CD9: variants seen among roughly 807,000 people sequenced by gnomAD.
CD9 encodes CD9 molecule, also known as CD9 antigen.
A neutral mutation model predicts 31.4 loss-of-function variants in CD9; 10 were observed. The observed-to-expected ratio is 0.32, with a 90% confidence interval of 0.20 to 0.54. The LOEUF (loss-of-function observed/expected upper bound fraction) is 0.54, where lower values mean the gene tolerates loss of function less well. Ranked by LOEUF, CD9 falls within the 20% of genes least tolerant of loss-of-function variation. The probability of loss-of-function intolerance (pLI) is 0.94; values close to 1 mark genes in which losing one functional copy is unlikely to be tolerated. For missense variants in CD9, 259 were observed against 300.1 expected, an observed-to-expected ratio of 0.86 and a Z score of 1.01; for synonymous variants, 113 against 114.1, an observed-to-expected ratio of 0.99 and a Z score of 0.06.
At chr12:6,231,291 C>A (rs1946444248) in intron 2 of CD9, among the ~76,000 whole-genome samples, 1 of 152,212 alleles carries the variant, frequency 6.6e-6, no homozygotes, top group African/African-American at 2.4e-5. Context: ...TGGATTATAT[C>A]ACTTAATCCT....
At chr12:6,219,790 G>C (rs1160664389) in intron 1 of CD9, among the ~76,000 whole-genome samples, 1 of 152,208 alleles carries the variant, frequency 6.6e-6, no homozygotes, top group Non-Finnish European at 1.5e-5. Context: ...TGGCCTCTTT[G>C]TGGTTTCTGA....
intron 1 of CD9, among the ~76,000 whole-genome samples, chr12:6,221,539 GA>G (rs1383674803): frequency 6.6e-6 from 1 of 152,156 alleles, no homozygotes; most frequent in East Asian, 1.9e-4. Context: ...AACCTGGGTG[GA>G]AGCCATCGAC....
At chr12:6,209,531 A>G (rs1445328541) in intron 1 of CD9, among the ~76,000 whole-genome samples, 1 of 152,096 alleles carries the variant, frequency 6.6e-6, no homozygotes, top group Non-Finnish European at 1.5e-5. Flanking sequence ...TGTGGATTTA[A>G]ATTTATTATT....
At chr12:6,211,100 T>C (rs1157320331) in intron 1 of CD9, among the ~76,000 whole-genome samples, 1 of 152,122 alleles carries the variant, frequency 6.6e-6, no homozygotes, top group Non-Finnish European at 1.5e-5. Context: ...CCTCCCAAAG[T>C]GCTGGGATTA....
chr12:6,218,605 C>T lies in CD9; in HGVS notation c.67-6821C>T, dbSNP rs1176932808. ...AGAGCAGCCAGGTGCCCCTAAGCTC[C>T]GTTACACTTTGATGTTTTTTGTTTA... On this transcript the variant is annotated intron_variant, in intron 1 of 7. Transcript: ENST00000009180. Among the ~76,000 whole-genome samples, 6 of 152,346 alleles carry T rather than the reference C, an allele frequency of 3.9e-5. No homozygotes were observed. The East Asian group carries it at 9.6e-4, about 24-fold the overall frequency.
At chr12:6,228,145 C>T (rs1271448118) in intron 2 of CD9, among the ~76,000 whole-genome samples, 1 of 152,226 alleles carries the variant, frequency 6.6e-6, no homozygotes, top group African/African-American at 2.4e-5. Context: ...TTTGCAGCGA[C>T]ACCCCATTCG....
chr12:6,199,999 G>A (rs1946053313), upstream of CD9: 1 of 152,228 alleles, frequency 6.6e-6, no homozygotes, highest in Non-Finnish European at 1.5e-5. Flanking sequence ...ACCCGGGGAA[G>A]AGTCTCCCAA....
At chr12:6,208,245 A>G (rs1285651008) in intron 1 of CD9, among the ~76,000 whole-genome samples, 1 of 151,748 alleles carries the variant, frequency 6.6e-6, no homozygotes, top group Non-Finnish European at 1.5e-5. Context: ...AAAAAAGAAA[A>G]GAAAAGTAAC....
chr12:6,228,771 T>C (rs1565427018), intron 2 of CD9, among the ~76,000 whole-genome samples: 1 of 152,188 alleles, frequency 6.6e-6, no homozygotes, highest in African/African-American at 2.4e-5. Flanking sequence ...GCAGATGAGC[T>C]TGGAGTGCCA....
intron 2 of CD9, among the ~76,000 whole-genome samples, chr12:6,228,705 C>T (rs1385506388): frequency 3.3e-5 from 5 of 152,210 alleles, no homozygotes; most frequent in Admixed American, 6.5e-5. Context: ...TCTGTGTCCC[C>T]TTCCCCACGA....
intron 1 of CD9, chr12:6,206,004 A>G (rs1162256876): frequency 6.6e-6 from 1 of 152,188 alleles, no homozygotes; most frequent in Non-Finnish European, 1.5e-5. Flanking sequence ...AGGTCTTTTC[A>G]ACCAAAGCCT....
At chr12:6,217,271 C>T (rs1946252554) in intron 1 of CD9, among the ~76,000 whole-genome samples, 1 of 152,066 alleles carries the variant, frequency 6.6e-6, no homozygotes. Flanking sequence ...ACCTGTAATC[C>T]CAAGCTTTGG....
chr12:6,214,823 C>T (rs1056244683), intron 1 of CD9, among the ~76,000 whole-genome samples: 15 of 152,110 alleles, frequency 9.9e-5, no homozygotes, highest in Admixed American at 3.9e-4. Flanking sequence ...CTCACGGGCC[C>T]ACTGAGTCAC....
At chr12:6,227,718 C>T (rs1306875565) in intron 2 of CD9, among the ~76,000 whole-genome samples, 1 of 152,180 alleles carries the variant, frequency 6.6e-6, no homozygotes, top group Non-Finnish European at 1.5e-5. Flanking sequence ...AGCTGCTTCT[C>T]GGGTTGTCAT....
intron 1 of CD9, among the ~76,000 whole-genome samples, chr12:6,214,297 G>T (rs1946220802): frequency 1.4e-5 from 2 of 147,212 alleles, no homozygotes; most frequent in Non-Finnish European, 3.0e-5. Flanking sequence ...TGCTACTGTG[G>T]TGTTATTTTC....
intron 2 of CD9, among the ~76,000 whole-genome samples, chr12:6,231,677 G>A (rs1946448277): frequency 6.6e-6 from 1 of 152,152 alleles, no homozygotes; most frequent in Non-Finnish European, 1.5e-5. Context: ...TCTGGGTTTG[G>A]GCAAAAGTTA....
At position 6,233,322 on chromosome 12, in the gene CD9, T is replaced by C. The variant is rs1946475310; in HGVS notation, c.274-90T>C. ...TCACCAGATGCCTGTTCCCAGGGAG[T>C]TGTCCTTCTTCCTTGTCCCAAAATA... On this transcript the variant is annotated intron_variant, in intron 3 of 7. Transcript: ENST00000009180. The C allele has an allele frequency of 2.2e-5, 20 of 903,788 alleles. 1 individual carries two copies. In the South Asian group the frequency reaches 2.7e-4, roughly 12 times the overall value. The allele number at this position is 903,788 out of a possible 1,614,324, so 56.0% of individuals were successfully genotyped here.
At chr12:6,228,716 G>A (rs1177654003) in intron 2 of CD9, among the ~76,000 whole-genome samples, 1 of 152,208 alleles carries the variant, frequency 6.6e-6, no homozygotes, top group Non-Finnish European at 1.5e-5. Flanking sequence ...TTCCCCACGA[G>A]GCTGTGAGAC....
At chr12:6,220,334 A>G (rs142193165) in intron 1 of CD9, among the ~76,000 whole-genome samples, 64 of 152,312 alleles carry the variant, frequency 4.2e-4, no homozygotes, top group Non-Finnish European at 7.8e-4. Context: ...AGGAGGAGGC[A>G]GGGTTCAGTG....
Sources: gnomAD v4.1 joint callset for allele counts (sites outside exome capture counted in the v4.1 genomes callset) on GRCh38, gnomAD v4.1.1 for gene constraint, MANE v1.5 for transcripts, NCBI Gene and HGNC (gene_info 2026-07-23, HGNC 2026-07-21) for gene names.